Variants in CELF4 observed in about 807,000 individuals in gnomAD.
CELF4 encodes CUGBP Elav-like family member 4, also known as CUG-BP- and ETR-3-like factor 4.
A neutral mutation model predicts 59.9 loss-of-function variants in CELF4; 18 were observed. The observed-to-expected ratio is 0.30, with a 90% CI of 0.21 to 0.45. The LOEUF (loss-of-function observed/expected upper bound fraction) is 0.45, where lower values mean the gene tolerates loss of function less well. Ranked by LOEUF, CELF4 falls within the 20% of genes least tolerant of loss-of-function variation. CELF4 has a pLI of 1.00. For missense variants in CELF4, 456 were observed against 689.0 expected (o/e 0.66, Z 3.79); for synonymous variants, 261 against 267.1 (o/e 0.98, Z 0.22).
chr18:37,274,370 T>A lies in CELF4; in HGVS notation c.742A>T (p.Met248Leu). The change falls in exon 6 of 13, where the codon ATG becomes TTG. Residue 248 changes from methionine (M) to leucine (L), a missense_variant. This residue lies in a region of CELF4 where 256 missense variants were observed against 340.8 expected (regional missense o/e 0.75). Transcript: ENST00000420428. ...MRRMQQMAGQ[M>L]GMFNPMAIPF... ...ATGGCCATGGGGTTGAACATGCCCATCTGGCCAGCCATCTGCTGCATTCGC... is the reference window on the plus strand; with the variant it reads ...ATGGCCATGGGGTTGAACATGCCCAACTGGCCAGCCATCTGCTGCATTCGC... 6.2e-7 allele frequency: 1 copy of A among 1,613,548 alleles called. No homozygotes were observed. The highest frequency in any genetic ancestry group is 8.5e-7 in the Non-Finnish European group (1 of 1,179,930).
At chr18:37,421,901 C>T (rs910772078) in intron 2 of CELF4, among the ~76,000 whole-genome samples, 1 of 152,250 alleles carries the variant, frequency 6.6e-6, no homozygotes, top group Admixed American at 6.5e-5. Context: ...AATCCTCACA[C>T]CTCCCTCTGG....
chr18:37,426,038 T>TAGCCCC (rs1356499703), intron 2 of CELF4, among the ~76,000 whole-genome samples: 8 of 152,072 alleles, frequency 5.3e-5, no homozygotes, highest in Non-Finnish European at 7.3e-5. Context: ...GACCAGGATA[T>TAGCCCC]AGCCCCAGCC....
chr18:37,377,656 G>A (rs761884567), intron 2 of CELF4, among the ~76,000 whole-genome samples: 2 of 152,240 alleles, frequency 1.3e-5, no homozygotes, highest in African/African-American at 2.4e-5. Flanking sequence ...TTGCGACTGG[G>A]CTTTCAGGAA....
At position 37,298,485 on chromosome 18, in the gene CELF4, C is replaced by T. The variant is rs555633268; in HGVS notation, c.449-23242G>A. On this transcript the variant is annotated intron_variant, in intron 3 of 12. Transcript: ENST00000420428. ...CTGTAATCCCAGCACTTTGGGAGGC[C>T]GAGGTGGGTGGATCACTTGGGGTCA... Among the ~76,000 whole-genome samples, 6 of 152,176 alleles carry T rather than the reference C, an allele frequency of 3.9e-5. No homozygotes were observed. In the South Asian group the frequency reaches 6.2e-4, roughly 16 times the overall value.
intron 2 of CELF4, among the ~76,000 whole-genome samples, chr18:37,467,987 A>ATG (rs112001563): frequency 0.027 from 4,156 of 152,222 alleles, 183 homozygotes; most frequent in African/African-American, 0.093. Flanking sequence ...ATGTGCGTGC[A>ATG]TGTGTGTGTG....
intron 2 of CELF4, among the ~76,000 whole-genome samples, chr18:37,463,444 C>T (rs999613199): frequency 6.6e-6 from 1 of 152,202 alleles, no homozygotes. Flanking sequence ...CCCTACCAAA[C>T]CCCGTGATCA....
intron 1 of CELF4, among the ~76,000 whole-genome samples, chr18:37,564,172 TTCCTTAGCCCCGTGC>T (rs2099987420): frequency 6.6e-6 from 1 of 152,152 alleles, no homozygotes; most frequent in Admixed American, 6.5e-5. Flanking sequence ...CCCCTACAAC[TTCCTTAGCCCCGTGC>T]TCCTTCCCTG....
chr18:37,274,276 C>G (rs1225995339), intron 6 of CELF4, 35 bp downstream of exon 6: 3 of 1,607,650 alleles, frequency 1.9e-6, no homozygotes, highest in African/African-American at 2.7e-5. Flanking sequence ...GGGGAGTGAG[C>G]TTGAGAACCG....
chr18:37,359,022 C>G (rs750328552), intron 2 of CELF4, among the ~76,000 whole-genome samples: 1 of 152,128 alleles, frequency 6.6e-6, no homozygotes, highest in Non-Finnish European at 1.5e-5. Context: ...TGCTTGAACT[C>G]AGGAGGTGGA....
At chr18:37,374,381 C>T (rs557588451) in intron 2 of CELF4, among the ~76,000 whole-genome samples, 6 of 152,304 alleles carry the variant, frequency 3.9e-5, no homozygotes, top group East Asian at 1.9e-4. Flanking sequence ...CTCTGACATC[C>T]GGCTCCGAAC....
At chr18:37,545,753 TACACACAC>T (rs146431291) in intron 1 of CELF4, among the ~76,000 whole-genome samples, 1 of 149,322 alleles carries the variant, frequency 6.7e-6, no homozygotes, top group Non-Finnish European at 1.5e-5. Context: ...TGTGTGGGCA[TACACACAC>T]ACACACACAC....
intron 1 of CELF4, among the ~76,000 whole-genome samples, chr18:37,499,689 G>C (rs2099929290): frequency 6.6e-6 from 1 of 152,222 alleles, no homozygotes; most frequent in Admixed American, 6.5e-5. Context: ...TGGAAGCATG[G>C]GGTGAGGGAT....
At chr18:37,259,068 GC>G (rs1189757545) in intron 11 of CELF4, 112 bp downstream of exon 11, 9 of 1,546,460 alleles carry the variant, frequency 5.8e-6, no homozygotes, top group Non-Finnish European at 7.9e-6. Context: ...GTAGGTTGGT[GC>G]GAGCACCGCC....
rs938274483 is a variant in CELF4 at position 37,245,676 on chromosome 18, T to C, written c.*45-479A>G. Among the ~76,000 whole-genome samples, 9 of 152,148 alleles carry C rather than the reference T, an allele frequency of 5.9e-5. No homozygotes were observed. Among genetic ancestry groups the C allele is most frequent in the Non-Finnish European group, 1.3e-4 (9 of 68,028 alleles). On this transcript the variant is annotated intron_variant, in intron 12 of 12. Coordinates refer to ENST00000420428, the MANE Select transcript of CELF4 (RefSeq NM_020180.4). This position sits in a 1 kb window ranked among gnomAD's most constrained non-coding sequence, Gnocchi z 4.1. ...AAGGAAGACACATCCGTGACTCAAATTTTGTAGAATCCTTGCCCAGCTTCC... is the reference window on the plus strand; with the variant it reads ...AAGGAAGACACATCCGTGACTCAAACTTTGTAGAATCCTTGCCCAGCTTCC...
At chr18:37,293,035 C>T (rs62085190) in intron 3 of CELF4, among the ~76,000 whole-genome samples, 1 of 152,192 alleles carries the variant, frequency 6.6e-6, no homozygotes, top group Non-Finnish European at 1.5e-5. Flanking sequence ...ATAGAAGGAC[C>T]AGCAGGACCC....
At chr18:37,511,241 G>A (rs16969000) in intron 1 of CELF4, among the ~76,000 whole-genome samples, 27,459 of 152,078 alleles carry the variant, frequency 0.18, 2,630 homozygotes, top group South Asian at 0.24. Context: ...TGCATCAGCT[G>A]CCCTCCACAG....
intron 2 of CELF4, among the ~76,000 whole-genome samples, chr18:37,422,637 T>C (rs1224137893): frequency 6.6e-6 from 1 of 151,652 alleles, no homozygotes; most frequent in South Asian, 2.1e-4. Context: ...CAGGCCAGAG[T>C]GTGCGCACAT....
intron 2 of CELF4, among the ~76,000 whole-genome samples, chr18:37,326,365 G>A (rs149455028): frequency 6.6e-6 from 1 of 152,286 alleles, no homozygotes; most frequent in East Asian, 1.9e-4. Context: ...CCCCTTTGGT[G>A]CTTTTCCTGC....
chr18:37,497,144 C>T (rs943937718), intron 1 of CELF4, among the ~76,000 whole-genome samples: 7 of 152,038 alleles, frequency 4.6e-5, no homozygotes, highest in Non-Finnish European at 8.8e-5. Flanking sequence ...TTTCTTTTCC[C>T]AGAGAACCAC....
Sources: gnomAD v4.1 joint callset for allele counts (sites outside exome capture counted in the v4.1 genomes callset) on GRCh38, gnomAD v4.1.1 for gene constraint, gnomAD v4.1.1 regional missense constraint, Gnocchi (gnomAD v3.1) non-coding constraint, MANE v1.5 for transcripts, NCBI Gene and HGNC (gene_info 2026-07-23, HGNC 2026-07-21) for gene names.